MYLK: variants seen among roughly 807,000 people sequenced by gnomAD.
The protein encoded by MYLK is myosin light chain kinase, smooth muscle.
MYLK carries 106 observed loss-of-function variants against 203.4 expected under a neutral mutation model. The ratio of observed to expected loss-of-function variants is 0.52; its 90% CI spans 0.45 to 0.61. The LOEUF (loss-of-function observed/expected upper bound fraction) is 0.61. Ranked by LOEUF, MYLK falls within the 20% of genes least tolerant of loss-of-function variation. The pLI is 0.00. For synonymous variants in MYLK, 867 were observed against 959.5 expected, an observed-to-expected ratio of 0.90 and a Z score of 1.78; for missense variants, 2,072 against 2,442.3, an observed-to-expected ratio of 0.85 and a Z score of 3.20.
In MYLK at chr3:123,613,110, T is replaced by C. The variant is rs1322244024; in HGVS notation, c.*995A>G. ...TTGGAGAGTGTTGAGAATGAAGATGTATTAAACTCTGGCTATCTTGGAGGA... is the reference window on the plus strand; with the variant it reads ...TTGGAGAGTGTTGAGAATGAAGATGCATTAAACTCTGGCTATCTTGGAGGA... On this transcript the variant is annotated 3_prime_UTR_variant, in exon 34 of 34. Transcript: ENST00000360304. 1 of 152,298 alleles carries C rather than the reference T, an allele frequency of 6.6e-6. No homozygotes were observed. Among genetic ancestry groups the C allele is most frequent in the Non-Finnish European group, 1.5e-5 (1 of 68,038 alleles). 9.4% of individuals were successfully genotyped at this position (152,298 alleles called of 1,614,324 possible). A position where few individuals can be genotyped will look rare whatever the true frequency, so the allele number is the denominator to read the frequency against.
chr3:123,728,810 G>A (rs72970873), intron 11 of MYLK, among the ~76,000 whole-genome samples: 3,761 of 152,258 alleles, frequency 0.025, 129 homozygotes, highest in African/African-American at 0.084. Flanking sequence ...TATTTGCCCT[G>A]TCTGGCAGCT....
At chr3:123,777,073 T>C (rs1163345275) in intron 4 of MYLK, among the ~76,000 whole-genome samples, 2 of 152,268 alleles carry the variant, frequency 1.3e-5, no homozygotes, top group Non-Finnish European at 2.9e-5. Context: ...AGTAGAATAT[T>C]GCATTTTTAC....
At chr3:123,836,718 T>C (rs1051218646) in intron 2 of MYLK, among the ~76,000 whole-genome samples, 10 of 152,186 alleles carry the variant, frequency 6.6e-5, no homozygotes, top group African/African-American at 2.2e-4. Flanking sequence ...GGAGGTAATA[T>C]GGAAACTCTC....
intron 2 of MYLK, among the ~76,000 whole-genome samples, chr3:123,865,064 A>C (rs1408156911): frequency 6.6e-6 from 1 of 152,198 alleles, no homozygotes; most frequent in East Asian, 1.9e-4. Context: ...TGTTTTGCCT[A>C]TCTGTGGGGT....
chr3:123,707,441 C>T (rs1369058931), intron 16 of MYLK, among the ~76,000 whole-genome samples: 1 of 152,172 alleles, frequency 6.6e-6, no homozygotes, highest in Admixed American at 6.5e-5. Context: ...TTCCCCCTAT[C>T]CCCCTGCTTT....
Position 123,610,437 on chromosome 3 carries a change from A to G in MYLK, c.*3668T>C, listed in dbSNP as rs993210691. On this transcript the variant is annotated 3_prime_UTR_variant, in exon 34 of 34. Coordinates refer to ENST00000360304, the MANE Select transcript of MYLK (RefSeq NM_053025.4). The stretch of plus-strand genomic sequence containing the variant: ...CATTTTGGGTTGGCTAGAGACCCAG[A>G]TGGCTGCAGCAGCCACCATCTCATG... 6.6e-6 allele frequency: 1 copy of G among 152,128 alleles called. No individual in the cohort carries two copies. The highest frequency in any genetic ancestry group is 1.5e-5 in the Non-Finnish European group (1 of 68,028). The allele number at this position is 152,128 out of a possible 1,614,324, so 9.4% of individuals were successfully genotyped here.
intron 23 of MYLK, among the ~76,000 whole-genome samples, chr3:123,657,816 A>AGT (rs1345403969): frequency 6.6e-6 from 1 of 152,212 alleles, no homozygotes; most frequent in Non-Finnish European, 1.5e-5. Context: ...GTTCAGCATG[A>AGT]GTGTGTGTGT....
intron 3 of MYLK, among the ~76,000 whole-genome samples, chr3:123,829,061 A>G (rs1432857487): frequency 6.6e-6 from 1 of 152,318 alleles, no homozygotes; most frequent in Non-Finnish European, 1.5e-5. Flanking sequence ...TAAAAATAAA[A>G]CAGCCATATG....
intron 13 of MYLK, among the ~76,000 whole-genome samples, chr3:123,713,782 A>C (rs746869827): frequency 6.6e-6 from 1 of 152,134 alleles, no homozygotes. Context: ...TGGCTGTGTG[A>C]TCTGAAGCAA....
Position 123,647,280 on chromosome 3 carries a change from C to A in MYLK, c.4563G>T (p.Leu1521=), listed in dbSNP as rs755297671. Residue 1521 remains leucine, a synonymous_variant, in exon 27 of 34, where the codon CTG becomes CTT. Coordinates refer to ENST00000360304, the MANE Select transcript of MYLK (RefSeq NM_053025.4). ...CTTCAAAGGCATCCACACACTGGACCAGCTTAGGGTGGTGGAGGCAGTTCA... is the reference window on the plus strand; with the variant it reads ...CTTCAAAGGCATCCACACACTGGACAAGCTTAGGGTGGTGGAGGCAGTTCA... The part of the protein sequence containing the change: ...SIMNCLHHPK[L]VQCVDAFEEK... 6.2e-7 allele frequency: 1 copy of A among 1,614,224 alleles called. No individual in the cohort carries two copies. Among genetic ancestry groups the A allele is most frequent in the Non-Finnish European group, 8.5e-7 (1 of 1,180,034 alleles).
At chr3:123,711,439 G>A (rs1308062478) in intron 13 of MYLK, among the ~76,000 whole-genome samples, 1 of 152,202 alleles carries the variant, frequency 6.6e-6, no homozygotes. Flanking sequence ...AAGGAGGAGG[G>A]TGAGAGGCCT....
At chr3:123,867,645 G>A (rs2032426454) in intron 2 of MYLK, among the ~76,000 whole-genome samples, 1 of 152,178 alleles carries the variant, frequency 6.6e-6, no homozygotes, top group Admixed American at 6.5e-5. Context: ...AACCTTCAGA[G>A]GAAAGCTTGA....
intron 7 of MYLK, among the ~76,000 whole-genome samples, chr3:123,737,803 G>C (rs2062730537): frequency 6.6e-6 from 1 of 152,140 alleles, no homozygotes; most frequent in African/African-American, 2.4e-5. Flanking sequence ...CTGAGTTTGA[G>C]GTAGGAAATC....
chr3:123,716,014 T>C (rs2061880191), intron 13 of MYLK: 1 of 152,224 alleles, frequency 6.6e-6, no homozygotes, highest in Non-Finnish European at 1.5e-5. Context: ...AAAATGCCAT[T>C]CCAACAGCAA....
Position 123,629,398 on chromosome 3 carries a change from G to T in MYLK, c.5114+76C>A. 1 of 1,578,754 alleles carries T rather than the reference G, an allele frequency of 6.3e-7. No individual in the cohort carries two copies. The highest frequency in any genetic ancestry group is 8.7e-7 in the Non-Finnish European group (1 of 1,151,688). ...GGGTGGCAAGGAGGGCACCCCAACAGGCAAAGGAATCCCCCTTTGCTTCCC... is the reference window on the plus strand; with the variant it reads ...GGGTGGCAAGGAGGGCACCCCAACATGCAAAGGAATCCCCCTTTGCTTCCC... On this transcript the variant is annotated intron_variant, in intron 30 of 33. Coordinates refer to ENST00000360304, the MANE Select transcript of MYLK (RefSeq NM_053025.4). The surrounding 1 kb of genome is among the most constrained non-coding windows in gnomAD (Gnocchi z 4.4).
At position 123,841,634 on chromosome 3, in the gene MYLK, A is replaced by T. The variant is rs374807120; in HGVS notation, c.-126-9964T>A. On this transcript the variant is annotated intron_variant, in intron 2 of 33. Coordinates refer to ENST00000360304, the MANE Select transcript of MYLK (RefSeq NM_053025.4). ...CCTACTCCCTTTTCTAGCTACCATC[A>T]TATTTCTAGCCTTTCTTTCCACTCA... Among the ~76,000 whole-genome samples, 8 of 152,182 alleles carry T rather than the reference A, an allele frequency of 5.3e-5. 1 individual carries two copies. In the South Asian group the frequency reaches 1.7e-3, roughly 32 times the overall value.
At chr3:123,730,340 CA>C (rs1490739531) in intron 11 of MYLK, among the ~76,000 whole-genome samples, 3 of 152,206 alleles carry the variant, frequency 2.0e-5, no homozygotes, top group Non-Finnish European at 4.4e-5. Context: ...TGGTGAAAAA[CA>C]GTTTGTTAGT....
intron 3 of MYLK, 88 bp from the exon 4 acceptor site, chr3:123,793,932 G>T: frequency 6.7e-7 from 1 of 1,493,760 alleles, no homozygotes; most frequent in Non-Finnish European, 9.3e-7. Flanking sequence ...CCAGTCTGGA[G>T]GTGTGGCTTT....
intron 3 of MYLK, among the ~76,000 whole-genome samples, chr3:123,823,957 C>A (rs1283755358): frequency 1.3e-5 from 2 of 152,176 alleles, no homozygotes; most frequent in Non-Finnish European, 2.9e-5. Flanking sequence ...AAGACCCCCT[C>A]CTTTATTTTA....
Sources: allele counts gnomAD v4.1 joint callset (sites outside exome capture counted in the v4.1 genomes callset), GRCh38; gene constraint gnomAD v4.1.1; non-coding constraint Gnocchi (gnomAD v3.1); transcripts MANE v1.5; gene names NCBI Gene and HGNC (gene_info 2026-07-23, HGNC 2026-07-21).